The following PHKA1 variants were observed in gnomAD, a reference collection of about 807,000 sequenced individuals.
PHKA1 encodes the protein phosphorylase b kinase regulatory subunit alpha, skeletal muscle isoform.
A neutral mutation model predicts 110.2 loss-of-function variants in PHKA1; 60 were observed. The ratio of observed to expected loss-of-function variants is 0.54; its 90% confidence interval spans 0.44 to 0.68. The LOEUF (loss-of-function observed/expected upper bound fraction) is 0.68. Among genes scored for constraint, PHKA1 ranks in the 30% least tolerant of loss-of-function variants. The probability of loss-of-function intolerance (pLI) is 0.00; values close to 1 mark genes in which losing one functional copy is unlikely to be tolerated. For missense variants in PHKA1, 801 were observed against 942.5 expected (o/e 0.85, Z 1.97); for synonymous variants, 316 against 333.6 (o/e 0.95, Z 0.58).
At chrX:72,594,908 C>T (rs782325887) in intron 28 of PHKA1, among the ~76,000 whole-genome samples, 1 of 112,627 alleles carries the variant, frequency 8.9e-6, no homozygotes, top group South Asian at 3.7e-4. Flanking sequence ...TTCACAATCT[C>T]TTCCAGAAAA....
intron 13 of PHKA1, among the ~76,000 whole-genome samples, chrX:72,648,934 A>C (rs1384333470): frequency 1.8e-5 from 2 of 111,641 alleles, no homozygotes; most frequent in African/African-American, 6.5e-5. Flanking sequence ...TTGAGACTGA[A>C]GTGTTAGACT....
intron 29 of PHKA1, among the ~76,000 whole-genome samples, chrX:72,592,475 T>C (rs967526107): frequency 1.2e-4 from 13 of 112,854 alleles, no homozygotes; most frequent in Admixed American, 9.3e-4. Flanking sequence ...CCTCTAAAAC[T>C]GTCACCACCA....
At chrX:72,585,828 C>A (rs1319357910) in intron 29 of PHKA1, among the ~76,000 whole-genome samples, 1 of 112,488 alleles carries the variant, frequency 8.9e-6, no homozygotes, top group African/African-American at 3.2e-5. Flanking sequence ...GCTAGCACAG[C>A]AGTCTGAGAT....
intron 19 of PHKA1, 108 bp downstream of exon 19, chrX:72,620,617 G>T (rs190828387): frequency 1.4e-5 from 8 of 591,029 alleles, no homozygotes; most frequent in Admixed American, 2.6e-5. Context: ...GGGGGATAAA[G>T]CAGTGAAGAA....
intron 6 of PHKA1, among the ~76,000 whole-genome samples, chrX:72,672,502 C>T (rs1474072604): frequency 1.8e-5 from 2 of 111,311 alleles, no homozygotes; most frequent in East Asian, 2.8e-4. Context: ...GCTCAAGTGT[C>T]TCTTCCTTTT....
intron 28 of PHKA1, among the ~76,000 whole-genome samples, chrX:72,598,183 A>G (rs1456613512): frequency 1.8e-5 from 2 of 111,898 alleles, no homozygotes; most frequent in Non-Finnish European, 3.8e-5. Flanking sequence ...GACAAAAAAA[A>G]TTAAAATAGG....
At chrX:72,673,076 T>C (rs1315391716) in intron 6 of PHKA1, among the ~76,000 whole-genome samples, 2 of 110,057 alleles carry the variant, frequency 1.8e-5, no homozygotes, top group African/African-American at 6.6e-5. Flanking sequence ...GGATCCTGGA[T>C]CAAAAGGATT....
intron 21 of PHKA1, among the ~76,000 whole-genome samples, chrX:72,615,302 A>T (rs1167426463): frequency 8.9e-6 from 1 of 112,055 alleles, no homozygotes; most frequent in African/African-American, 3.2e-5. Context: ...TAATATGAAA[A>T]CATCTGAAGA....
chrX:72,681,087 T>C (rs1258617965), intron 5 of PHKA1, among the ~76,000 whole-genome samples: 2 of 55,044 alleles, frequency 3.6e-5, no homozygotes, highest in Admixed American at 2.2e-4. Flanking sequence ...GAGGAGCGCC[T>C]CTTCCCAGCC....
chrX:72,687,497 C>G (rs1322042536), intron 4 of PHKA1, among the ~76,000 whole-genome samples: 2 of 111,256 alleles, frequency 1.8e-5, no homozygotes, highest in Non-Finnish European at 3.8e-5. Flanking sequence ...CCACTTATGT[C>G]CTTTTGCTCA....
rs61135772 is a variant in PHKA1 at position 72,606,354 on chromosome X, G to GCACA, written c.2607-739_2607-736dup. Among the ~76,000 whole-genome samples, 81 of 101,137 alleles carry GCACA rather than the reference G, an allele frequency of 8.0e-4. 1 individual carries two copies. The East Asian group carries it at 0.013, about 16-fold the overall frequency. The allele number at this position is 101,137 out of a possible 115,157, so 87.8% of individuals were successfully genotyped here. ...TTCTATAGTTTCAATTCACACACAT[G>GCACA]CACACACACACACACACACACACAC... is the stretch of plus-strand genomic sequence containing the variant. On this transcript the variant is annotated intron_variant, in intron 23 of 31. Transcript: ENST00000373542.
At chrX:72,620,678 T>A in intron 19 of PHKA1, 47 bp downstream of exon 19, 1 of 1,115,361 alleles carries the variant, frequency 9.0e-7, no homozygotes, top group Non-Finnish European at 1.2e-6. Flanking sequence ...TATCCTGGGC[T>A]TCACGTCATC....
chrX:72,623,386 G>T, intron 17 of PHKA1, 111 bp from the exon 18 acceptor site: 1 of 559,549 alleles, frequency 1.8e-6, no homozygotes. Context: ...GATTACTAAT[G>T]TGCATACATT....
At chrX:72,704,771 T>G (rs782805431) in intron 3 of PHKA1, among the ~76,000 whole-genome samples, 2 of 111,544 alleles carry the variant, frequency 1.8e-5, no homozygotes, top group South Asian at 7.7e-4. Flanking sequence ...TTATATTTTT[T>G]GTAGAGACAA....
At chrX:72,687,510 A>G (rs2053981042) in intron 4 of PHKA1, among the ~76,000 whole-genome samples, 1 of 110,812 alleles carries the variant, frequency 9.0e-6, no homozygotes, top group African/African-American at 3.3e-5. Flanking sequence ...TTTGCTCATA[A>G]TCTCCATTCA....
intron 3 of PHKA1, among the ~76,000 whole-genome samples, chrX:72,699,480 G>C (rs1266474062): frequency 2.4e-5 from 2 of 82,892 alleles, no homozygotes; most frequent in Non-Finnish European, 4.3e-5. Context: ...CTGCACTCTA[G>C]CCTGGCCACA....
chrX:72,597,612 C>T (rs1256339178), intron 28 of PHKA1, among the ~76,000 whole-genome samples: 1 of 111,963 alleles, frequency 8.9e-6, no homozygotes, highest in Non-Finnish European at 1.9e-5. Context: ...ATAATAACCA[C>T]ATCAGGGTAA....
intron 7 of PHKA1, among the ~76,000 whole-genome samples, chrX:72,666,833 C>T (rs190740833): frequency 8.9e-6 from 1 of 111,902 alleles, no homozygotes; most frequent in Admixed American, 9.5e-5. Context: ...TCAATAGGAC[C>T]CTATGGTATC....
intron 5 of PHKA1, among the ~76,000 whole-genome samples, 184 bp downstream of exon 5, chrX:72,684,314 C>T (rs2053943941): frequency 9.0e-6 from 1 of 111,264 alleles, no homozygotes. Flanking sequence ...TCTCTGTAAC[C>T]CCCTTGAAGA....
Sources: gnomAD v4.1 joint callset for allele counts (sites outside exome capture counted in the v4.1 genomes callset) on GRCh38, gnomAD v4.1.1 for gene constraint, MANE v1.5 for transcripts, NCBI Gene and HGNC (gene_info 2026-07-23, HGNC 2026-07-21) for gene names.